The following EYS variants were observed in gnomAD, a reference collection of about 807,000 sequenced individuals.
EYS encodes protein eyes shut homolog.
EYS carries 250 observed loss-of-function variants against 282.1 expected under a neutral mutation model. The observed-to-expected ratio is 0.89, with a 90% CI of 0.80 to 0.98. EYS has a LOEUF of 0.98. Ranked by LOEUF, EYS falls within the 50% of genes least tolerant of loss-of-function variation. EYS has a pLI of 0.00. For synonymous variants in EYS, 1,355 were observed against 1,282.9 expected, an observed-to-expected ratio of 1.06 and a Z score of -1.20; for missense variants, 4,016 against 3,709.0, an observed-to-expected ratio of 1.08 and a Z score of -2.15.
chr6:63,738,709 C>A (rs926630793), intron 41 of EYS, among the ~76,000 whole-genome samples: 1 of 151,832 alleles, frequency 6.6e-6, no homozygotes, highest in African/African-American at 2.4e-5. Flanking sequence ...GCACATTGTG[C>A]ACATGTACCC....
At chr6:65,224,272 A>G (rs1388987355) in intron 12 of EYS, among the ~76,000 whole-genome samples, 3 of 152,208 alleles carry the variant, frequency 2.0e-5, no homozygotes, top group African/African-American at 7.2e-5. Context: ...AGTAGAGTTC[A>G]TAAATATGTG....
intron 41 of EYS, among the ~76,000 whole-genome samples, chr6:63,758,413 A>G (rs1254417498): frequency 1.3e-5 from 2 of 152,132 alleles, no homozygotes; most frequent in Admixed American, 1.3e-4. Flanking sequence ...ATCTATGTGA[A>G]CATGGCCTGC....
At chr6:64,491,422 T>G (rs937205744) in intron 26 of EYS, among the ~76,000 whole-genome samples, 2 of 150,974 alleles carry the variant, frequency 1.3e-5, no homozygotes, top group African/African-American at 2.4e-5. Context: ...CAGGCAAGTT[T>G]CAATTCTAAT....
chr6:65,080,051 A>G (rs540493546), intron 12 of EYS, among the ~76,000 whole-genome samples: 80 of 152,286 alleles, frequency 5.3e-4, no homozygotes, highest in African/African-American at 1.9e-3. Flanking sequence ...GAGTCAAAGA[A>G]GAGGAGGAAT....
rs1170579708 is a variant in EYS at position 64,840,648 on chromosome 6, T to C, written c.2993-17826A>G. ...TCGTTGAGAACTAAAGGTAAATCCA[T>C]GGGGTATAGAATCATAAAGCCACTG... On this transcript the variant is annotated intron_variant, in intron 19 of 42. Transcript: ENST00000503581. Among the ~76,000 whole-genome samples the C allele has an allele frequency of 2.6e-5, 4 of 152,096 alleles. No homozygotes were observed. In the East Asian group the frequency reaches 7.7e-4, roughly 29 times the overall value.
chr6:65,560,057 A>T (rs972234337), intron 2 of EYS, among the ~76,000 whole-genome samples: 2 of 150,358 alleles, frequency 1.3e-5, no homozygotes, highest in African/African-American at 4.8e-5. Flanking sequence ...ATAATGATCA[A>T]TGATCATATC....
chr6:64,904,210 A>G (rs1409437596), intron 16 of EYS, among the ~76,000 whole-genome samples: 2 of 152,200 alleles, frequency 1.3e-5, no homozygotes, highest in African/African-American at 2.4e-5. Context: ...TGGGGCTAGC[A>G]GACCAGGTAG....
At chr6:64,688,980 G>A (rs951378166) in intron 22 of EYS, among the ~76,000 whole-genome samples, 1 of 151,858 alleles carries the variant, frequency 6.6e-6, no homozygotes, top group Non-Finnish European at 1.5e-5. Flanking sequence ...GGGCAATCAG[G>A]CAGGAGAAGG....
At chr6:63,862,823 A>G (rs565362126) in intron 36 of EYS, among the ~76,000 whole-genome samples, 137 of 120,800 alleles carry the variant, frequency 1.1e-3, no homozygotes, top group African/African-American at 3.1e-3. Flanking sequence ...ACTTCTTGTA[A>G]TATAACCCTG....
At chr6:64,880,956 C>T (rs1766898939) in intron 19 of EYS, among the ~76,000 whole-genome samples, 1 of 149,290 alleles carries the variant, frequency 6.7e-6, no homozygotes. Flanking sequence ...TTTTTTTGAT[C>T]ATAGCTTTCT....
chr6:65,478,644 T>C lies in EYS; in HGVS notation c.862+11950A>G, dbSNP rs547938050. Among the ~76,000 whole-genome samples the C allele has an allele frequency of 3.0e-4, 46 of 152,288 alleles. No homozygotes were observed. The East Asian group carries it at 8.7e-3, about 29-fold the overall frequency. On this transcript the variant is annotated intron_variant, in intron 5 of 42. Transcript: ENST00000503581. ...AATTATAGTGAAGTCAGGACCACTTTACAAGAAATTGATCTTTATGCCTAA... is the reference window on the plus strand; with the variant it reads ...AATTATAGTGAAGTCAGGACCACTTCACAAGAAATTGATCTTTATGCCTAA...
At chr6:64,135,592 A>G (rs1774133567) in intron 31 of EYS, among the ~76,000 whole-genome samples, 1 of 152,042 alleles carries the variant, frequency 6.6e-6, no homozygotes, top group African/African-American at 2.4e-5. Flanking sequence ...AACTGACCTT[A>G]AGAAGGAGTA....
At chr6:64,404,371 G>C (rs1773634358) in intron 28 of EYS, among the ~76,000 whole-genome samples, 1 of 114,424 alleles carries the variant, frequency 8.7e-6, no homozygotes, top group African/African-American at 3.9e-5. Context: ...TTGTAATATA[G>C]AGTGTGAGAG....
chr6:63,856,095 C>T (rs943065283), intron 36 of EYS, among the ~76,000 whole-genome samples: 2 of 144,190 alleles, frequency 1.4e-5, no homozygotes, highest in Non-Finnish European at 3.0e-5. Flanking sequence ...ATCACATTAA[C>T]ATAGCTCTTA....
At chr6:64,526,903 T>G (rs1300723032) in intron 26 of EYS, among the ~76,000 whole-genome samples, 1 of 151,870 alleles carries the variant, frequency 6.6e-6, no homozygotes, top group Non-Finnish European at 1.5e-5. Context: ...TGCATAATTG[T>G]GTTGACTTAC....
chr6:64,054,630 G>T (rs1770921818), intron 33 of EYS, among the ~76,000 whole-genome samples: 1 of 152,136 alleles, frequency 6.6e-6, no homozygotes, highest in African/African-American at 2.4e-5. Flanking sequence ...GAGTTGTATA[G>T]CATGGTTAAA....
chr6:64,154,379 G>A (rs1208577579), intron 31 of EYS, among the ~76,000 whole-genome samples: 1 of 149,826 alleles, frequency 6.7e-6, no homozygotes, highest in Non-Finnish European at 1.5e-5. Context: ...GGCAGAGGTT[G>A]CGGTGAGCCG....
chr6:64,024,106 G>C, intron 33 of EYS, among the ~76,000 whole-genome samples: 1 of 152,222 alleles, frequency 6.6e-6, no homozygotes, highest in East Asian at 1.9e-4. Context: ...ACCACCCAAG[G>C]GCTGAGGAGT....
chr6:64,867,999 C>T (rs1442824761), intron 19 of EYS, among the ~76,000 whole-genome samples: 1 of 151,268 alleles, frequency 6.6e-6, no homozygotes, highest in Non-Finnish European at 1.5e-5. Context: ...CCTTGTATAT[C>T]ATTTAGAAGA....
Sources: gnomAD v4.1 joint callset for allele counts (sites outside exome capture counted in the v4.1 genomes callset) on GRCh38, gnomAD v4.1.1 for gene constraint, MANE v1.5 for transcripts, NCBI Gene and HGNC (gene_info 2026-07-23, HGNC 2026-07-21) for gene names.